Variants in SLK observed in about 807,000 individuals in gnomAD.
The protein encoded by SLK is STE20 like kinase.
SLK carries 67 observed loss-of-function variants against 147.7 expected under a neutral mutation model. That is an observed-to-expected ratio of 0.45 (90% CI 0.37 to 0.56). SLK has a LOEUF of 0.56. Among genes scored for constraint, SLK ranks in the 20% least tolerant of loss-of-function variants. The pLI is 0.00. For missense variants in SLK, 1,136 were observed against 1,438.8 expected (o/e 0.79, Z 3.41); for synonymous variants, 441 against 475.0 (o/e 0.93, Z 0.93).
intron 1 of SLK, 139 bp downstream of exon 1, chr10:103,968,034 G>T: frequency 1.2e-6 from 1 of 867,706 alleles, no homozygotes; most frequent in Non-Finnish European, 1.7e-6. Flanking sequence ...TTACTTGGCT[G>T]ATCATCCAAG....
At position 104,026,466 on chromosome 10, in the gene SLK, T is replaced by C. The variant is rs546760077; in HGVS notation, c.*746T>C. ...AATTTTTGCTTCTCTTACCGTTTGA[T>C]AGAAATTTTCATCCTAAAATACATG... On this transcript the variant is annotated 3_prime_UTR_variant, in exon 19 of 19. Coordinates refer to ENST00000369755, the MANE Select transcript of SLK (RefSeq NM_014720.4). 6.6e-5 allele frequency: 10 copies of C among 152,624 alleles called. No individual in the cohort carries two copies. The highest frequency in any genetic ancestry group is 2.4e-4 in the African/African-American group (10 of 41,564). The allele number at this position is 152,624 out of a possible 1,614,324, so 9.5% of individuals were successfully genotyped here. A position where few individuals can be genotyped will look rare whatever the true frequency, so the allele number is the denominator to read the frequency against.
intron 4 of SLK, among the ~76,000 whole-genome samples, chr10:103,994,871 G>C (rs1844146315): frequency 6.6e-6 from 1 of 152,078 alleles, no homozygotes; most frequent in South Asian, 2.1e-4. Flanking sequence ...GAATCCAAAG[G>C]CTTGATCAGT....
chr10:104,026,895 A>G lies in SLK; in HGVS notation c.*1175A>G, dbSNP rs1209782560. 1 of 152,206 alleles carries G rather than the reference A, an allele frequency of 6.6e-6. No individual in the cohort carries two copies. The highest frequency in any genetic ancestry group is 1.5e-5 in the Non-Finnish European group (1 of 68,038). The allele number at this position is 152,206 out of a possible 1,614,324, so 9.4% of individuals were successfully genotyped here. A position where few individuals can be genotyped will look rare whatever the true frequency, so the allele number is the denominator to read the frequency against. The stretch of plus-strand genomic sequence containing the variant: ...GTGGGAAAAGCCTGAAGCCTTTATC[A>G]TGTGGTTGCTGGTGTGTGTAATTAT... On this transcript the variant is annotated 3_prime_UTR_variant, in exon 19 of 19. Transcript: ENST00000369755.
chr10:103,981,257 A>G (rs1434119212), intron 1 of SLK, among the ~76,000 whole-genome samples: 2 of 151,988 alleles, frequency 1.3e-5, no homozygotes, highest in Non-Finnish European at 2.9e-5. Context: ...AATCCTCATC[A>G]GATACATGAT....
At chr10:103,997,918 A>G (rs1256337964) in intron 4 of SLK, among the ~76,000 whole-genome samples, 1 of 152,114 alleles carries the variant, frequency 6.6e-6, no homozygotes, top group East Asian at 1.9e-4. Context: ...AATAATGTGT[A>G]CCTTATCAAT....
At chr10:103,980,556 C>T (rs1843927749) in intron 1 of SLK, among the ~76,000 whole-genome samples, 1 of 152,126 alleles carries the variant, frequency 6.6e-6, no homozygotes, top group Admixed American at 6.5e-5. Flanking sequence ...TTTGACTATC[C>T]TAAGTACCTC....
At chr10:104,013,647 A>G (rs1844426388) in intron 13 of SLK, among the ~76,000 whole-genome samples, 1 of 152,202 alleles carries the variant, frequency 6.6e-6, no homozygotes, top group African/African-American at 2.4e-5. Context: ...TGCTCAGATC[A>G]TGATTCAGTC....
chr10:103,996,400 C>CTTTTTT (rs555751299), intron 4 of SLK, among the ~76,000 whole-genome samples: 13 of 106,426 alleles, frequency 1.2e-4, no homozygotes, highest in Admixed American at 2.9e-4. Context: ...TTTTTCTTTT[C>CTTTTTT]TTTTTTTTTT....
chr10:104,003,111 T>G lies in SLK; in HGVS notation c.1933T>G (p.Ser645Ala). The G allele has an allele frequency of 6.2e-7, 1 of 1,613,854 alleles. No homozygotes were observed. The highest frequency in any genetic ancestry group is 8.5e-7 in the Non-Finnish European group (1 of 1,179,948). The change falls in exon 9 of 19, where the codon TCA becomes GCA. Residue 645 changes from serine (S) to alanine (A), a missense_variant. Ser to Ala is a moderately conservative substitution (Grantham distance 99). Around this residue, in one of 6 missense-constraint regions of SLK, gnomAD observed 516 missense variants for 531.3 expected, o/e 0.97. Transcript: ENST00000369755. ...AACTGAAGGTGAAGAAATCACTGAG[T>G]CAAGTAGCACTGAAGAAATGGAGGT... ...GTTEGEEITE[S>A]SSTEEMEVRS... is the part of the protein sequence containing the mutation.
chr10:103,985,230 G>A (rs922233670), intron 1 of SLK, among the ~76,000 whole-genome samples: 3 of 152,160 alleles, frequency 2.0e-5, no homozygotes, highest in Non-Finnish European at 2.9e-5. Flanking sequence ...TACTATCCAA[G>A]GTTTCCAGCA....
intron 1 of SLK, among the ~76,000 whole-genome samples, chr10:103,971,618 A>G (rs990997789): frequency 3.3e-5 from 5 of 152,246 alleles, no homozygotes; most frequent in African/African-American, 1.2e-4. Context: ...AGAATGACAT[A>G]AGATTATGAA....
intron 12 of SLK, 72 bp from the exon 13 acceptor site, chr10:104,010,744 T>C (rs1844388693): frequency 1.1e-6 from 1 of 932,844 alleles, no homozygotes; most frequent in Admixed American, 3.1e-5. Flanking sequence ...ACTTGTAGCT[T>C]ATCTGCTCTC....
chr10:103,996,700 A>G (rs2134484203), intron 4 of SLK, among the ~76,000 whole-genome samples: 1 of 152,202 alleles, frequency 6.6e-6, no homozygotes, highest in East Asian at 1.9e-4. Context: ...CGGCCTTCTA[A>G]TAAATATTAT....
intron 1 of SLK, among the ~76,000 whole-genome samples, chr10:103,986,038 A>G (rs551297716): frequency 6.6e-6 from 1 of 152,334 alleles, no homozygotes; most frequent in Admixed American, 6.5e-5. Flanking sequence ...ATATTTTTAA[A>G]TTAAGATTGG....
Position 103,967,187 on chromosome 10 carries a change from G to C in SLK, c.-559G>C, listed in dbSNP as rs1359553441. On this transcript the variant is annotated 5_prime_UTR_variant, in exon 1 of 19. Coordinates refer to ENST00000369755, the MANE Select transcript of SLK (RefSeq NM_014720.4). ...CCAGGCCGAGGCTGTGTGGGCTGGG[G>C]AGGGAGACAGGCGGCGGCGGCGGCG... The C allele has an allele frequency of 1.3e-5, 2 of 151,988 alleles. No homozygotes were observed. Among genetic ancestry groups the C allele is most frequent in the Admixed American group, 6.6e-5 (1 of 15,166 alleles). 9.4% of individuals were successfully genotyped at this position (151,988 alleles called of 1,614,324 possible).
chr10:103,986,668 GTTTTTTTTT>G (rs759976399), intron 1 of SLK, among the ~76,000 whole-genome samples: 3 of 97,218 alleles, frequency 3.1e-5, no homozygotes, highest in African/African-American at 1.3e-4. Context: ...TATGTGAAGA[GTTTTTTTTT>G]TTTTTTTTTT....
intron 13 of SLK, among the ~76,000 whole-genome samples, chr10:104,011,173 T>A (rs991513510): frequency 6.6e-6 from 1 of 152,234 alleles, no homozygotes; most frequent in Non-Finnish European, 1.5e-5. Context: ...AATCCACTGT[T>A]ATCTGATTTT....
At chr10:103,985,663 C>A (rs1056583550) in intron 1 of SLK, among the ~76,000 whole-genome samples, 1 of 152,098 alleles carries the variant, frequency 6.6e-6, no homozygotes, top group Non-Finnish European at 1.5e-5. Context: ...GGACTGAAAT[C>A]ATCTCTGTTT....
In SLK at chr10:104,025,780, T is replaced by A. The variant is rs535012226; in HGVS notation, c.*60T>A. On this transcript the variant is annotated 3_prime_UTR_variant, in exon 19 of 19. Transcript: ENST00000369755. ...TTCAGTATGTCATTCTGTTCTCATC[T>A]TCTGCCACAGTCTCTCAGATAGCTC... 1 of 1,450,882 alleles carries A rather than the reference T, an allele frequency of 6.9e-7. No homozygotes were observed. The allele number at this position is 1,450,882 out of a possible 1,614,324, so 89.9% of individuals were successfully genotyped here. A position where few individuals can be genotyped will look rare whatever the true frequency, so the allele number is the denominator to read the frequency against.
Sources: gnomAD v4.1 joint callset for allele counts (sites outside exome capture counted in the v4.1 genomes callset) on GRCh38, gnomAD v4.1.1 for gene constraint, gnomAD v4.1.1 regional missense constraint, MANE v1.5 for transcripts, NCBI Gene and HGNC (gene_info 2026-07-23, HGNC 2026-07-21) for gene names.